The following EPHA5 variants were observed in gnomAD, a reference collection of about 807,000 sequenced individuals.
EPHA5 encodes ephrin type-A receptor 5.
EPHA5 carries 60 observed loss-of-function variants against 105.0 expected under a neutral mutation model. The ratio of observed to expected loss-of-function variants is 0.57; its 90% confidence interval spans 0.46 to 0.71. The LOEUF (loss-of-function observed/expected upper bound fraction) is 0.71. EPHA5 is among the 30% of genes least tolerant of loss of function. EPHA5 has a pLI of 0.00. For synonymous variants in EPHA5, 513 were observed against 449.1 expected (o/e 1.14, Z -1.80); for missense variants, 1,218 against 1,274.7 (o/e 0.96, Z 0.68).
chr4:65,378,143 T>C (rs1337808750), intron 8 of EPHA5, among the ~76,000 whole-genome samples: 1 of 151,972 alleles, frequency 6.6e-6, no homozygotes, highest in African/African-American at 2.4e-5. Flanking sequence ...GTAGACAATT[T>C]TTATATATTT....
At position 65,576,067 on chromosome 4, in the gene EPHA5, A is replaced by G. The variant is rs1023006792; in HGVS notation, c.910+25574T>C. ...GAAAGAAAGAAAGAAAGAAAAGAAA[A>G]GAAAAGAAAAGAAAAGAAAAGAAAA... On this transcript the variant is annotated intron_variant, in intron 3 of 16. Transcript: ENST00000613740. 4.3e-3 allele frequency among the ~76,000 whole-genome samples: 301 copies of G among 70,184 alleles called. 4 individuals carry two copies. Among genetic ancestry groups the G allele is most frequent in the South Asian group, 0.012 (20 of 1,626 alleles). 46.0% of individuals were successfully genotyped at this position (70,184 alleles called of 152,430 possible). A position where few individuals can be genotyped will look rare whatever the true frequency, so the allele number is the denominator to read the frequency against.
At chr4:65,554,330 A>G (rs960440088) in intron 3 of EPHA5, among the ~76,000 whole-genome samples, 5 of 150,410 alleles carry the variant, frequency 3.3e-5, no homozygotes, top group Non-Finnish European at 7.4e-5. Flanking sequence ...ATGGGGCTTT[A>G]TTATGTACTT....
At chr4:65,347,234 A>G (rs1722309994) in intron 14 of EPHA5, among the ~76,000 whole-genome samples, 1 of 152,204 alleles carries the variant, frequency 6.6e-6, no homozygotes, top group Non-Finnish European at 1.5e-5. Flanking sequence ...TCAATATACT[A>G]GCTTTACAAT....
intron 5 of EPHA5, among the ~76,000 whole-genome samples, chr4:65,434,630 GC>G (rs951330147): frequency 2.0e-5 from 3 of 151,870 alleles, no homozygotes; most frequent in Non-Finnish European, 4.4e-5. Flanking sequence ...TTTTTTAAAT[GC>G]ATCCCTTCCC....
chr4:65,653,791 C>T (rs897563813), intron 1 of EPHA5, among the ~76,000 whole-genome samples: 6 of 151,976 alleles, frequency 3.9e-5, no homozygotes, highest in African/African-American at 1.4e-4. Flanking sequence ...TTTCATTTTT[C>T]TGTGATATTG....
chr4:65,418,328 A>G (rs143357948), intron 6 of EPHA5, among the ~76,000 whole-genome samples: 8 of 152,282 alleles, frequency 5.3e-5, no homozygotes, highest in Non-Finnish European at 1.2e-4. Context: ...GATATAGCCT[A>G]TGTTTAAATT....
intron 3 of EPHA5, among the ~76,000 whole-genome samples, chr4:65,540,299 A>T (rs1055971434): frequency 1.3e-5 from 2 of 151,488 alleles, no homozygotes; most frequent in Non-Finnish European, 3.0e-5. Context: ...AAAAGAATCA[A>T]GTTGTCTTTT....
chr4:65,581,325 TG>T (rs1741601395), intron 3 of EPHA5, among the ~76,000 whole-genome samples: 2 of 151,814 alleles, frequency 1.3e-5, no homozygotes, highest in African/African-American at 4.8e-5. Context: ...AACTTCCGTT[TG>T]TTTTTTTGTT....
chr4:65,589,664 C>T lies in EPHA5; in HGVS notation c.910+11977G>A, dbSNP rs190947353. Among the ~76,000 whole-genome samples the T allele has an allele frequency of 2.6e-3, 400 of 152,184 alleles. 7 individuals are homozygous for T. The highest frequency in any genetic ancestry group is 1.1e-3 in the Non-Finnish European group (77 of 68,010). Reference sequence around the variant, plus strand: ...GAGCAAACACAGATGACACACAGAACCTTCTAAAGAGAATTTAAAATAAAT... The same window carrying T: ...GAGCAAACACAGATGACACACAGAATCTTCTAAAGAGAATTTAAAATAAAT... On this transcript the variant is annotated intron_variant, in intron 3 of 16. Transcript: ENST00000613740.
At chr4:65,332,622 G>C (rs797012654) in intron 15 of EPHA5, among the ~76,000 whole-genome samples, 1 of 151,376 alleles carries the variant, frequency 6.6e-6, no homozygotes, top group African/African-American at 2.4e-5. Context: ...GGGTGGTGGG[G>C]GGTGGGGGAA....
chr4:65,380,693 C>T (rs918807477), intron 8 of EPHA5, among the ~76,000 whole-genome samples: 1 of 151,640 alleles, frequency 6.6e-6, no homozygotes, highest in East Asian at 1.9e-4. Context: ...AGGAAGAAAA[C>T]TAAAAGGCTG....
At chr4:65,603,783 T>C (rs1020955377) in intron 2 of EPHA5, among the ~76,000 whole-genome samples, 2 of 152,124 alleles carry the variant, frequency 1.3e-5, no homozygotes, top group Non-Finnish European at 2.9e-5. Flanking sequence ...TAAATCTCAT[T>C]TTTGTCCTCT....
rs1400133569 is a variant in EPHA5, at chr4:65,332,121, T to C, written c.2797A>G (p.Asn933Asp). The change falls in exon 16 of 17, where the codon AAT becomes GAT. Residue 933 changes from asparagine (N) to aspartate (D), a missense_variant. Asn to Asp is a conservative substitution (Grantham distance 23). Around this residue, in one of 3 missense-constraint regions of EPHA5, gnomAD observed 971 missense variants for 1,013.5 expected, o/e 0.96. Transcript: ENST00000613740. ...AGTGGGCTATGTTCTGCCAATAAATTAGATACTCTAAAACACATAAAACAT... is the reference window on the plus strand; with the variant it reads ...AGTGGGCTATGTTCTGCCAATAAATCAGATACTCTAAAACACATAAAACAT... ...TLVNASCRVS[N>D]LLAEHSPLGS... is the part of the protein sequence containing the mutation. 1.3e-6 allele frequency: 2 copies of C among 1,596,824 alleles called. No individual in the cohort carries two copies. The highest frequency in any genetic ancestry group is 8.5e-7 in the Non-Finnish European group (1 of 1,173,104).
At chr4:65,551,209 G>T (rs568882217) in intron 3 of EPHA5, among the ~76,000 whole-genome samples, 9 of 150,312 alleles carry the variant, frequency 6.0e-5, no homozygotes, top group African/African-American at 2.0e-4. Context: ...TTCATGCCAT[G>T]TATGTATATA....
rs142048399 is a variant in EPHA5, at chr4:65,434,935, G to A, written c.1403-14370C>T. Reference sequence around the variant, plus strand: ...AAAATGAAAAACACAGCCAGCCAATGTCTTGTTTAAGATATAGTGATTAAA... The same window carrying A: ...AAAATGAAAAACACAGCCAGCCAATATCTTGTTTAAGATATAGTGATTAAA... On this transcript the variant is annotated intron_variant, in intron 5 of 16. Coordinates refer to ENST00000613740, the MANE Select transcript of EPHA5 (RefSeq NM_001281766.3). Among the ~76,000 whole-genome samples, 835 of 152,192 alleles carry A rather than the reference G, an allele frequency of 5.5e-3. 5 individuals carry two copies. Among genetic ancestry groups the A allele is most frequent in the Middle Eastern group, 0.031 (9 of 294 alleles).
Position 65,665,956 on chromosome 4 carries a change from C to T in EPHA5, c.181+3606G>A, listed in dbSNP as rs571005835. On this transcript the variant is annotated intron_variant, in intron 1 of 16. Transcript: ENST00000613740. ...CTGTCCTTTTTTCTGTGGGGTCCTG[C>T]GGATTTATCTAAAAGGAAATGAATT... is the stretch of plus-strand genomic sequence containing the variant. Among the ~76,000 whole-genome samples the T allele has an allele frequency of 7.2e-5, 11 of 152,152 alleles. 1 individual carries two copies. The highest frequency in any genetic ancestry group is 4.2e-4 in the South Asian group (2 of 4,814).
intron 1 of EPHA5, among the ~76,000 whole-genome samples, chr4:65,644,832 A>G (rs1439322476): frequency 2.0e-5 from 3 of 152,002 alleles, no homozygotes; most frequent in Non-Finnish European, 1.5e-5. Context: ...GTAGAAAAAC[A>G]AATATGTTAA....
rs1157435610 is a variant in EPHA5 at position 65,321,065 on chromosome 4, A to G, written c.*3049T>C. On this transcript the variant is annotated 3_prime_UTR_variant, in exon 17 of 17. Coordinates refer to ENST00000613740, the MANE Select transcript of EPHA5 (RefSeq NM_001281766.3). Reference sequence around the variant, plus strand: ...GTATATATGAGCAAATGACAAGATTAGAAACAAATTATGATAGGTCAAAGT... The same window carrying G: ...GTATATATGAGCAAATGACAAGATTGGAAACAAATTATGATAGGTCAAAGT... 4.3e-6 allele frequency: 1 copy of G among 230,524 alleles called. No homozygotes were observed. The highest frequency in any genetic ancestry group is 8.6e-6 in the Non-Finnish European group (1 of 116,350). 14.3% of individuals were successfully genotyped at this position (230,524 alleles called of 1,614,324 possible). A position where few individuals can be genotyped will look rare whatever the true frequency, so the allele number is the denominator to read the frequency against.
intron 3 of EPHA5, among the ~76,000 whole-genome samples, chr4:65,505,821 A>T (rs948329131): frequency 6.6e-6 from 1 of 151,918 alleles, no homozygotes; most frequent in African/African-American, 2.4e-5. Flanking sequence ...AACCAAGGGA[A>T]TTTTTTTGTG....
Sources: gnomAD v4.1 joint callset for allele counts (sites outside exome capture counted in the v4.1 genomes callset) on GRCh38, gnomAD v4.1.1 for gene constraint, gnomAD v4.1.1 regional missense constraint, MANE v1.5 for transcripts, NCBI Gene and HGNC (gene_info 2026-07-23, HGNC 2026-07-21) for gene names.